The following RBFOX1 variants were observed in gnomAD, a reference collection of about 807,000 sequenced individuals.
The protein encoded by RBFOX1 is RNA binding fox-1 homolog 1, also known as RNA binding protein fox-1 homolog 1.
RBFOX1 carries 8 observed loss-of-function variants against 57.7 expected under a neutral mutation model. The observed-to-expected ratio is 0.14, with a 90% confidence interval of 0.08 to 0.25. The LOEUF is 0.25. Among genes scored for constraint, RBFOX1 ranks in the 10% least tolerant of loss-of-function variants. The probability of loss-of-function intolerance (pLI) is 1.00; values close to 1 mark genes in which losing one functional copy is unlikely to be tolerated. For synonymous variants in RBFOX1, 326 were observed against 222.4 expected, an observed-to-expected ratio of 1.47 and a Z score of -4.15; for missense variants, 611 against 548.5, an observed-to-expected ratio of 1.11 and a Z score of -1.14.
chr16:7,700,017 G>T (rs1418259058), intron 14 of RBFOX1, among the ~76,000 whole-genome samples: 1 of 152,110 alleles, frequency 6.6e-6, no homozygotes, highest in African/African-American at 2.4e-5. Context: ...TGTTGGTGCT[G>T]TAGAGGGACA....
At chr16:7,306,436 A>T (rs1568128660) in intron 4 of RBFOX1, among the ~76,000 whole-genome samples, 1 of 152,198 alleles carries the variant, frequency 6.6e-6, no homozygotes, top group Non-Finnish European at 1.5e-5. Context: ...CTAAATCAGC[A>T]TCATGGTTCC....
At chr16:7,080,631 C>T (rs921465889) in intron 4 of RBFOX1, among the ~76,000 whole-genome samples, 12 of 152,108 alleles carry the variant, frequency 7.9e-5, no homozygotes, top group Non-Finnish European at 1.8e-4. Context: ...TCTTGGGGTA[C>T]ACTCACAACT....
chr16:7,384,218 AATAT>A lies in RBFOX1; in HGVS notation c.28-133922_28-133919del, dbSNP rs528826994. Reference sequence around the variant, plus strand: ...TGAAATATATATGAAACATATATGAAATATATATATGAATATGAAAAGCAAGGAG... The same window carrying A: ...TGAAATATATATGAAACATATATGAAATATATGAATATGAAAAGCAAGGAG... On this transcript the variant is annotated intron_variant, in intron 4 of 15. Transcript: ENST00000550418. Among the ~76,000 whole-genome samples the A allele has an allele frequency of 1.8e-3, 275 of 151,990 alleles. 1 individual carries two copies. The highest frequency in any genetic ancestry group is 6.3e-3 in the African/African-American group (263 of 41,458).
At position 7,676,798 on chromosome 16, in the gene RBFOX1, G is replaced by A. The variant is rs199644500; in HGVS notation, c.955G>A (p.Ala319Thr). The part of the protein sequence containing the change: ...IYGGYAAYRY[A>T]QPTPATAAAY... ...GGGTGGTTATGCTGCATACCGCTACGCCCAGCCTACCCCTGCCACTGCCGC... is the reference window on the plus strand; with the variant it reads ...GGGTGGTTATGCTGCATACCGCTACACCCAGCCTACCCCTGCCACTGCCGC... The change falls in exon 14 of 16, where the codon GCC (alanine) becomes ACC (threonine). Residue 319 changes from alanine (A) to threonine (T), a missense_variant. Ala to Thr is a moderately conservative substitution (Grantham distance 58). Transcript: ENST00000550418. 3.7e-5 allele frequency: 59 copies of A among 1,613,212 alleles called. No homozygotes were observed. The highest frequency in any genetic ancestry group is 4.3e-5 in the Non-Finnish European group (51 of 1,179,476).
chr16:5,801,922 G>A (rs528140827), intron 3 of RBFOX1, among the ~76,000 whole-genome samples: 1 of 152,282 alleles, frequency 6.6e-6, no homozygotes, highest in South Asian at 2.1e-4. Flanking sequence ...ATAAAGGAAA[G>A]CGAATTCCCC....
At chr16:7,094,340 G>C (rs893427182) in intron 4 of RBFOX1, among the ~76,000 whole-genome samples, 1 of 152,066 alleles carries the variant, frequency 6.6e-6, no homozygotes, top group Non-Finnish European at 1.5e-5. Flanking sequence ...GCTTTTAGGA[G>C]AAGTAGAGAG....
At chr16:5,580,759 A>G (rs754880995) in intron 2 of RBFOX1, among the ~76,000 whole-genome samples, 2 of 152,202 alleles carry the variant, frequency 1.3e-5, no homozygotes, top group Non-Finnish European at 2.9e-5. Flanking sequence ...GGTTTAATTA[A>G]AGGCAAACTG....
chr16:6,940,763 AGTGTGTGTGTGTGT>A lies in RBFOX1; in HGVS notation c.-15-111259_-15-111246del, dbSNP rs61349150. ...CAGGCGCCCGCCACCATGTCCCGCT[AGTGTGTGTGTGTGT>A]GTGTGTGTGTGTGTGTGTGTGTGTG... is the stretch of plus-strand genomic sequence containing the variant. On this transcript the variant is annotated intron_variant, in intron 3 of 15. Transcript: ENST00000550418. Among the ~76,000 whole-genome samples, 114 of 114,474 alleles carry A rather than the reference AGTGTGTGTGTGTGT, an allele frequency of 1.0e-3. 1 individual carries two copies. The highest frequency in any genetic ancestry group is 1.6e-3 in the African/African-American group (47 of 29,066). The allele number at this position is 114,474 out of a possible 152,430, so 75.1% of individuals were successfully genotyped here.
chr16:7,077,037 C>T (rs567962063), intron 4 of RBFOX1, among the ~76,000 whole-genome samples: 1 of 152,110 alleles, frequency 6.6e-6, no homozygotes, highest in Non-Finnish European at 1.5e-5. Flanking sequence ...TGGAACAGGG[C>T]CATTTAGTTA....
chr16:6,757,698 G>C (rs1344085861), intron 3 of RBFOX1, among the ~76,000 whole-genome samples: 1 of 152,094 alleles, frequency 6.6e-6, no homozygotes, highest in Non-Finnish European at 1.5e-5. Flanking sequence ...CAAACATATG[G>C]TTAGATAGGA....
chr16:7,646,722 T>C (rs2144063732), intron 11 of RBFOX1, among the ~76,000 whole-genome samples: 1 of 152,378 alleles, frequency 6.6e-6, no homozygotes, highest in East Asian at 1.9e-4. Context: ...CATCTGCTAC[T>C]CTTCCATCTC....
chr16:6,973,530 G>C (rs77720180), intron 3 of RBFOX1, among the ~76,000 whole-genome samples: 2,856 of 152,268 alleles, frequency 0.019, 103 homozygotes, highest in African/African-American at 0.065. Context: ...GCTCAACGTT[G>C]ATTTTTCAGC....
chr16:6,179,968 A>G (rs921338599), intron 1 of RBFOX1, among the ~76,000 whole-genome samples: 11 of 152,174 alleles, frequency 7.2e-5, no homozygotes, highest in Admixed American at 6.5e-4. Flanking sequence ...CTTTTTCTGC[A>G]TCTGTTGAGA....
intron 4 of RBFOX1, among the ~76,000 whole-genome samples, chr16:7,309,054 A>G (rs2096254643): frequency 6.6e-6 from 1 of 152,212 alleles, no homozygotes; most frequent in African/African-American, 2.4e-5. Flanking sequence ...GATTAGCTTC[A>G]TGTCTGAATT....
At chr16:7,105,786 A>G (rs1044959041) in intron 4 of RBFOX1, among the ~76,000 whole-genome samples, 7 of 107,482 alleles carry the variant, frequency 6.5e-5, no homozygotes, top group Non-Finnish European at 1.3e-4. Context: ...AGATGTATAT[A>G]GAGATAGATA....
intron 3 of RBFOX1, among the ~76,000 whole-genome samples, chr16:6,891,698 C>G (rs2065464167): frequency 6.6e-6 from 1 of 152,132 alleles, no homozygotes; most frequent in Non-Finnish European, 1.5e-5. Context: ...ACATACTTAA[C>G]ATTTACTTTT....
rs185870322 is a variant in RBFOX1, at chr16:5,843,117, A to G, written c.319-24186A>G. Among the ~76,000 whole-genome samples the G allele has an allele frequency of 1.0e-3, 157 of 152,260 alleles. 1 individual carries two copies. In the East Asian group the frequency reaches 0.02, roughly 20 times the overall value. On this transcript the variant is annotated intron_variant, in intron 3 of 19. Transcript: ENST00000641259. ...GCTGGGATTACAGGCGTGAGCCACC[A>G]CGCCAGGCCTATTATTTTTATTTTT...
chr16:5,625,010 C>G (rs1314289927), intron 3 of RBFOX1, among the ~76,000 whole-genome samples: 1 of 152,128 alleles, frequency 6.6e-6, no homozygotes, highest in South Asian at 2.1e-4. Context: ...GAGCCTGGCA[C>G]GAGAGATACC....
chr16:7,273,211 T>TCCC, intron 4 of RBFOX1, among the ~76,000 whole-genome samples: 4 of 98,768 alleles, frequency 4.0e-5, no homozygotes, highest in African/African-American at 1.7e-4. Context: ...CCTCCCTTCC[T>TCCC]TCCTTCCTTC....
Sources: gnomAD v4.1 joint callset for allele counts (sites outside exome capture counted in the v4.1 genomes callset) on GRCh38, gnomAD v4.1.1 for gene constraint, MANE v1.5 for transcripts, NCBI Gene and HGNC (gene_info 2026-07-23, HGNC 2026-07-21) for gene names.